The following LRP1B variants were observed in gnomAD, a reference collection of about 807,000 sequenced individuals.
The protein encoded by LRP1B is LDL receptor related protein 1B.
LRP1B carries 217 observed loss-of-function variants against 556.6 expected under a neutral mutation model. That is an observed-to-expected ratio of 0.39 (90% CI 0.35 to 0.44). The LOEUF (loss-of-function observed/expected upper bound fraction) is 0.44, where lower values mean the gene tolerates loss of function less well. LRP1B is among the 20% of genes least tolerant of loss of function. LRP1B has a pLI of 1.00. For missense variants in LRP1B, 5,053 were observed against 5,620.8 expected, an observed-to-expected ratio of 0.90 and a Z score of 3.23; for synonymous variants, 2,047 against 1,865.8, an observed-to-expected ratio of 1.10 and a Z score of -2.50.
intron 20 of LRP1B, among the ~76,000 whole-genome samples, chr2:140,939,908 C>T (rs1434627272): frequency 1.8e-5 from 2 of 112,980 alleles, no homozygotes; most frequent in Non-Finnish European, 3.4e-5. Flanking sequence ...TTTTTTGAGA[C>T]AGTGTCTCAA....
intron 6 of LRP1B, among the ~76,000 whole-genome samples, chr2:141,191,680 CT>C (rs11394147): frequency 2.2e-4 from 33 of 148,204 alleles, no homozygotes; most frequent in African/African-American, 7.7e-4. Flanking sequence ...CAAAAATAAG[CT>C]TTTTTTTTTT....
intron 32 of LRP1B, among the ~76,000 whole-genome samples, chr2:140,777,269 CCT>C (rs1454521850): frequency 1.2e-4 from 18 of 152,156 alleles, no homozygotes; most frequent in Non-Finnish European, 2.5e-4. Flanking sequence ...TCTCCTTAGC[CCT>C]TTGCCCCTAG....
At chr2:141,752,892 C>T (rs969401852) in intron 2 of LRP1B, among the ~76,000 whole-genome samples, 2 of 133,796 alleles carry the variant, frequency 1.5e-5, no homozygotes, top group South Asian at 2.5e-4. Flanking sequence ...TACAATGAGT[C>T]GTGATCATGC....
chr2:140,822,533 T>G (rs1276550343), intron 31 of LRP1B, among the ~76,000 whole-genome samples: 2 of 152,214 alleles, frequency 1.3e-5, no homozygotes, highest in Non-Finnish European at 2.9e-5. Flanking sequence ...AGTGTATCAG[T>G]GGCATTGCCA....
At chr2:141,086,820 C>A (rs1346353629) in intron 7 of LRP1B, among the ~76,000 whole-genome samples, 1 of 152,066 alleles carries the variant, frequency 6.6e-6, no homozygotes, top group Non-Finnish European at 1.5e-5. Context: ...CAGAAGCCAG[C>A]CAATGGAAGT....
At chr2:141,976,903 T>C (rs1285584727) in intron 1 of LRP1B, among the ~76,000 whole-genome samples, 3 of 152,120 alleles carry the variant, frequency 2.0e-5, no homozygotes, top group Non-Finnish European at 4.4e-5. Context: ...AATTATTGAA[T>C]AGAAAATAAA....
At chr2:140,370,874 C>T (rs2105165627) in intron 70 of LRP1B, 32 bp from the exon 71 acceptor site, 1 of 1,607,588 alleles carries the variant, frequency 6.2e-7, no homozygotes, top group Non-Finnish European at 8.5e-7. Context: ...CTGCAGTTTT[C>T]ATTAATGATA....
At chr2:140,348,988 G>C (rs1243514024) in intron 77 of LRP1B, among the ~76,000 whole-genome samples, 1 of 151,992 alleles carries the variant, frequency 6.6e-6, no homozygotes, top group Non-Finnish European at 1.5e-5. Flanking sequence ...TAGATTCCTC[G>C]CATCCACATT....
intron 7 of LRP1B, among the ~76,000 whole-genome samples, chr2:141,187,549 C>T (rs1214337724): frequency 6.6e-6 from 1 of 152,016 alleles, no homozygotes; most frequent in Non-Finnish European, 1.5e-5. Context: ...ACAGCTCCTT[C>T]AAATAAGGTG....
Position 141,121,693 on chromosome 2 carries a change from C to T in LRP1B, c.1014-59420G>A, listed in dbSNP as rs182391758. On this transcript the variant is annotated intron_variant, in intron 7 of 90. Transcript: ENST00000389484. ...TACTGCCCAAGGTAATTTATAGATTCAATGCCATCCCCATCAAGCTATCAA... is the reference window on the plus strand; with the variant it reads ...TACTGCCCAAGGTAATTTATAGATTTAATGCCATCCCCATCAAGCTATCAA... Among the ~76,000 whole-genome samples the T allele has an allele frequency of 9.2e-5, 14 of 152,164 alleles. No homozygotes were observed. The East Asian group carries it at 2.5e-3, about 27-fold the overall frequency.
intron 1 of LRP1B, among the ~76,000 whole-genome samples, chr2:142,113,088 T>A (rs1707061158): frequency 1.3e-5 from 2 of 152,162 alleles, no homozygotes; most frequent in South Asian, 4.1e-4. Context: ...TATGCATTAT[T>A]CTCCTGATTT....
chr2:140,328,797 AAC>A (rs887464328), intron 79 of LRP1B, among the ~76,000 whole-genome samples: 7 of 151,618 alleles, frequency 4.6e-5, no homozygotes, highest in Middle Eastern at 6.8e-3. Context: ...CACACACACA[AAC>A]ACACTTATTT....
intron 3 of LRP1B, among the ~76,000 whole-genome samples, chr2:141,414,216 G>A (rs1387925564): frequency 1.5e-4 from 20 of 131,260 alleles, no homozygotes; most frequent in Admixed American, 1.2e-3. Context: ...CAGCCTGGGC[G>A]ACAAGAGTGA....
intron 32 of LRP1B, among the ~76,000 whole-genome samples, chr2:140,778,154 A>G (rs1689563227): frequency 6.6e-6 from 1 of 152,194 alleles, no homozygotes; most frequent in African/African-American, 2.4e-5. Context: ...TCTGCTGCCT[A>G]CCAACATACA....
chr2:140,463,028 A>C (rs951480478), intron 60 of LRP1B, among the ~76,000 whole-genome samples: 1 of 152,230 alleles, frequency 6.6e-6, no homozygotes, highest in Non-Finnish European at 1.5e-5. Flanking sequence ...AGAAGTGATG[A>C]GAAAGAAAAA....
At chr2:141,597,522 T>C (rs928056313) in intron 2 of LRP1B, among the ~76,000 whole-genome samples, 8 of 152,236 alleles carry the variant, frequency 5.3e-5, no homozygotes, top group African/African-American at 1.7e-4. Context: ...GTATAGAATG[T>C]TTACAGTTCA....
chr2:140,426,657 C>G, intron 66 of LRP1B, among the ~76,000 whole-genome samples: 1 of 152,132 alleles, frequency 6.6e-6, no homozygotes, highest in Non-Finnish European at 1.5e-5. Flanking sequence ...TTTCCTTTAC[C>G]TACCCAAATC....
At chr2:141,167,261 G>A (rs1680309872) in intron 7 of LRP1B, 1 of 151,794 alleles carries the variant, frequency 6.6e-6, no homozygotes, top group African/African-American at 2.4e-5. Context: ...AATATTTAAT[G>A]TATGGGATGC....
rs1682362088 is a variant in LRP1B, at chr2:140,358,758, T to A, written c.11257+63A>T. On this transcript the variant is annotated intron_variant, in intron 73 of 90. Transcript: ENST00000389484. ...AGAAATGTATTTTTTAAAATGTTTGTACTCCAAGTCATCAGAGAACCTCAT... is the reference window on the plus strand; with the variant it reads ...AGAAATGTATTTTTTAAAATGTTTGAACTCCAAGTCATCAGAGAACCTCAT... 2.6e-6 allele frequency: 4 copies of A among 1,553,280 alleles called. No homozygotes were observed. The Admixed American group carries it at 6.8e-5, about 26-fold the overall frequency.
Sources: gnomAD v4.1 joint callset for allele counts (sites outside exome capture counted in the v4.1 genomes callset) on GRCh38, gnomAD v4.1.1 for gene constraint, MANE v1.5 for transcripts, NCBI Gene and HGNC (gene_info 2026-07-23, HGNC 2026-07-21) for gene names.